XKR6: variants seen among roughly 807,000 people sequenced by gnomAD.
XKR6 encodes XK-related protein 6.
Under a neutral mutation model 56.7 loss-of-function variants are expected in XKR6, and 22 were observed. The observed-to-expected ratio is 0.39, with a 90% confidence interval of 0.28 to 0.55. The LOEUF is 0.55. Among genes scored for constraint, XKR6 ranks in the 20% least tolerant of loss-of-function variants. The pLI, the probability that XKR6 is intolerant of heterozygous loss-of-function variation, is 0.66. For synonymous variants in XKR6, 524 were observed against 387.8 expected (o/e 1.35, Z -4.13); for missense variants, 852 against 889.0 (o/e 0.96, Z 0.53).
Position 11,201,037 on chromosome 8 carries a change from G to A in XKR6, c.303C>T (p.Pro101=). ...GCGTCGGGGGTTGGCGGCCGGCGCCGGGGGCCGCGGGAGGCTGCAGCGGCT... is the reference window on the plus strand; with the variant it reads ...GCGTCGGGGGTTGGCGGCCGGCGCCAGGGGCCGCGGGAGGCTGCAGCGGCT... ...GDQPLQPPAA[P]GAGRQPPTPS... The change falls in exon 1 of 3, where the codon CCC becomes CCT. Residue 101 remains proline, a synonymous_variant. Transcript: ENST00000416569. 1 of 1,200,182 alleles carries A rather than the reference G, an allele frequency of 8.3e-7. No homozygotes were observed. Among genetic ancestry groups the A allele is most frequent in the Non-Finnish European group, 1.0e-6 (1 of 971,802 alleles). The allele number at this position is 1,200,182 out of a possible 1,614,324, so 74.3% of individuals were successfully genotyped here. A position where few individuals can be genotyped will look rare whatever the true frequency, so the allele number is the denominator to read the frequency against.
At chr8:11,006,379 C>T (rs1056468234) in intron 1 of XKR6, among the ~76,000 whole-genome samples, 18 of 152,108 alleles carry the variant, frequency 1.2e-4, no homozygotes, top group African/African-American at 3.6e-4. Flanking sequence ...TGTGCTGCCC[C>T]TATGGTCACA....
intron 1 of XKR6, among the ~76,000 whole-genome samples, chr8:11,006,032 C>T (rs6995129): frequency 0.34 from 52,101 of 151,696 alleles, 11,792 homozygotes; most frequent in African/African-American, 0.65. Context: ...TCAGTAGAGA[C>T]GGGGTTTCAC....
intron 1 of XKR6, among the ~76,000 whole-genome samples, chr8:11,185,926 G>A (rs1035827022): frequency 1.3e-5 from 2 of 152,170 alleles, no homozygotes; most frequent in African/African-American, 2.4e-5. Context: ...ATAGTTACCT[G>A]TTTGAGCTGA....
At chr8:10,908,074 A>T (rs992509930) in intron 2 of XKR6, among the ~76,000 whole-genome samples, 1 of 152,148 alleles carries the variant, frequency 6.6e-6, no homozygotes, top group African/African-American at 2.4e-5. Flanking sequence ...GAGGATGTAC[A>T]CGCCCACGCT....
At chr8:10,906,551 T>C (rs1344406926) in intron 2 of XKR6, among the ~76,000 whole-genome samples, 3 of 152,366 alleles carry the variant, frequency 2.0e-5, no homozygotes, top group East Asian at 3.9e-4. Context: ...TGAAAAGTAA[T>C]TGCGGTTTTG....
chr8:10,900,963 TC>T (rs1461688351), intron 2 of XKR6, among the ~76,000 whole-genome samples: 1 of 148,796 alleles, frequency 6.7e-6, no homozygotes, highest in Non-Finnish European at 1.5e-5. Context: ...CAAGTGATCC[TC>T]CCGTCTCCCA....
intron 1 of XKR6, among the ~76,000 whole-genome samples, chr8:11,049,432 G>C (rs1260594182): frequency 6.6e-6 from 1 of 152,218 alleles, no homozygotes; most frequent in Non-Finnish European, 1.5e-5. Flanking sequence ...CTGACCCGGG[G>C]CTGGCTGCTC....
chr8:11,019,803 G>A (rs1388429700), intron 1 of XKR6, among the ~76,000 whole-genome samples: 3 of 152,202 alleles, frequency 2.0e-5, no homozygotes, highest in Admixed American at 2.0e-4. Flanking sequence ...TCAGGCACCC[G>A]TGAGGCTCAG....
intron 1 of XKR6, 81 bp from the exon 2 acceptor site, chr8:10,924,911 C>T: frequency 7.0e-7 from 1 of 1,435,140 alleles, no homozygotes; most frequent in East Asian, 2.3e-5. Flanking sequence ...CCCCTAAAAC[C>T]AAGAGACTCA....
chr8:11,196,297 C>A (rs1448986158), intron 1 of XKR6, among the ~76,000 whole-genome samples: 1 of 152,136 alleles, frequency 6.6e-6, no homozygotes, highest in Admixed American at 6.5e-5. Flanking sequence ...CTTTCACACG[C>A]AACATAAACA....
chr8:11,039,854 C>T (rs1799241278), intron 1 of XKR6, among the ~76,000 whole-genome samples: 1 of 152,228 alleles, frequency 6.6e-6, no homozygotes, highest in South Asian at 2.1e-4. Context: ...TCTACGAACG[C>T]CGGGGACAGC....
At chr8:11,093,811 T>C (rs1798166510) in intron 1 of XKR6, among the ~76,000 whole-genome samples, 2 of 152,100 alleles carry the variant, frequency 1.3e-5, no homozygotes, top group African/African-American at 4.8e-5. Context: ...TGAGATGGAG[T>C]CTCGCTCTGT....
intron 1 of XKR6, among the ~76,000 whole-genome samples, chr8:11,040,357 G>C (rs1799255138): frequency 9.0e-6 from 1 of 111,218 alleles, no homozygotes; most frequent in Non-Finnish European, 1.7e-5. Flanking sequence ...TCTCATGTCT[G>C]CTAAAAAAAA....
chr8:11,129,118 G>C (rs868179580), intron 1 of XKR6: 4 of 370,608 alleles, frequency 1.1e-5, no homozygotes, highest in African/African-American at 8.5e-5. Flanking sequence ...TCCAACTTTG[G>C]GCTATGATGA....
chr8:11,062,864 G>A (rs991673258), intron 1 of XKR6: 1 of 456,072 alleles, frequency 2.2e-6, no homozygotes. Context: ...TGGGAGGTGA[G>A]TGGAAGTGGG....
chr8:11,188,115 G>A (rs1443051849), intron 1 of XKR6, among the ~76,000 whole-genome samples: 1 of 152,050 alleles, frequency 6.6e-6, no homozygotes, highest in Admixed American at 6.5e-5. Flanking sequence ...ATTACAGTAG[G>A]TATGAGCCCA....
Position 10,898,464 on chromosome 8 carries a change from A to G in XKR6, c.1414T>C (p.Tyr472His). Residue 472 changes from tyrosine to histidine, a missense_variant, in exon 3 of 3, where the codon TAT becomes CAT. Transcript: ENST00000416569. The surrounding 1 kb of genome is among the most constrained non-coding windows in gnomAD (Gnocchi z 6.6). ...FYRDPETTDS[Y>H]AVPALCCVFI... ...ACACAACACAGTGCTGGCACCGCATAGGAGTCAGTGGTCTCCGGGTCTCTG... is the reference window on the plus strand; with the variant it reads ...ACACAACACAGTGCTGGCACCGCATGGGAGTCAGTGGTCTCCGGGTCTCTG... 3 of 1,614,044 alleles carry G rather than the reference A, an allele frequency of 1.9e-6. No individual in the cohort carries two copies. The highest frequency in any genetic ancestry group is 2.5e-6 in the Non-Finnish European group (3 of 1,180,014).
chr8:10,955,973 G>T (rs775093107), intron 1 of XKR6, among the ~76,000 whole-genome samples: 1 of 152,178 alleles, frequency 6.6e-6, no homozygotes, highest in Non-Finnish European at 1.5e-5. Flanking sequence ...TCGGTGAGAG[G>T]GTGAGGGCAA....
chr8:11,072,755 G>A (rs1800165081), intron 1 of XKR6, among the ~76,000 whole-genome samples: 1 of 152,180 alleles, frequency 6.6e-6, no homozygotes, highest in African/African-American at 2.4e-5. Context: ...TGCCAAAGTT[G>A]CCCCCACATG....
Sources: gnomAD v4.1 joint callset for allele counts (sites outside exome capture counted in the v4.1 genomes callset) on GRCh38, gnomAD v4.1.1 for gene constraint, Gnocchi (gnomAD v3.1) non-coding constraint, MANE v1.5 for transcripts, NCBI Gene and HGNC (gene_info 2026-07-23, HGNC 2026-07-21) for gene names.